Variants in GSE1 observed in about 807,000 individuals in gnomAD.
GSE1 encodes the protein Gse1 coiled-coil protein, also known as genetic suppressor element 1.
Under a neutral mutation model 112.6 loss-of-function variants are expected in GSE1, and 32 were observed. That is an observed-to-expected ratio of 0.28 (90% CI 0.21 to 0.38). The LOEUF (loss-of-function observed/expected upper bound fraction) is 0.38. Among genes scored for constraint, GSE1 ranks in the 10% least tolerant of loss-of-function variants. The pLI is 1.00. For synonymous variants in GSE1, 1,115 were observed against 735.6 expected (o/e 1.52, Z -8.35); for missense variants, 2,348 against 1,699.2 (o/e 1.38, Z -6.71).
At chr16:85,594,815 A>C (rs1291274047) in intron 1 of GSE1, 1 of 152,328 alleles carries the variant, frequency 6.6e-6, no homozygotes, top group Non-Finnish European at 1.5e-5. Flanking sequence ...TGAGTGCGTG[A>C]CTGCTGGTCA....
intron 1 of GSE1, among the ~76,000 whole-genome samples, chr16:85,297,662 C>T (rs903491064): frequency 6.6e-6 from 1 of 152,088 alleles, no homozygotes; most frequent in Non-Finnish European, 1.5e-5. Context: ...ACCCAAAGTG[C>T]CTGGCTAATT....
intron 2 of GSE1, among the ~76,000 whole-genome samples, chr16:85,371,126 C>T (rs2047290607): frequency 6.6e-6 from 1 of 152,220 alleles, no homozygotes; most frequent in African/African-American, 2.4e-5. Context: ...GCTGCTCCGC[C>T]CCCCTCGTTC....
intron 1 of GSE1, among the ~76,000 whole-genome samples, chr16:85,617,607 C>A (rs956904397): frequency 7.1e-5 from 8 of 112,220 alleles, no homozygotes; most frequent in South Asian, 7.3e-4. Flanking sequence ...CCCCCCCCCC[C>A]CCCCGTTAAC....
At chr16:85,282,009 G>A (rs998084569) in intron 1 of GSE1, among the ~76,000 whole-genome samples, 2 of 151,834 alleles carry the variant, frequency 1.3e-5, no homozygotes, top group Non-Finnish European at 2.9e-5. Flanking sequence ...GGGTTATCCT[G>A]TGAGTTGCTA....
chr16:85,200,879 A>G (rs1369644367), intron 1 of GSE1, among the ~76,000 whole-genome samples: 1 of 152,210 alleles, frequency 6.6e-6, no homozygotes, highest in Non-Finnish European at 1.5e-5. Flanking sequence ...CCCGGTAAAC[A>G]TGAACTCCAC....
At chr16:85,424,862 A>G (rs995755546) in intron 2 of GSE1, among the ~76,000 whole-genome samples, 1 of 152,276 alleles carries the variant, frequency 6.6e-6, no homozygotes, top group African/African-American at 2.4e-5. Context: ...TACAGCGATC[A>G]GTGGAAAAAT....
upstream of GSE1, chr16:85,555,028 A>G: frequency 1.0e-6 from 1 of 984,878 alleles, no homozygotes; most frequent in Non-Finnish European, 1.2e-6. Context: ...GCGCGGGGGG[A>G]AGCTCGCAAG....
chr16:85,394,471 A>G (rs2047921460), intron 2 of GSE1, among the ~76,000 whole-genome samples: 1 of 152,086 alleles, frequency 6.6e-6, no homozygotes, highest in African/African-American at 2.4e-5. Context: ...TTTAAAGCGA[A>G]TGATTTGGGT....
chr16:85,462,982 C>T, intron 2 of GSE1: 1 of 388,114 alleles, frequency 2.6e-6, no homozygotes, highest in Non-Finnish European at 3.5e-6. Context: ...GGCCCGTCTT[C>T]TGCCGCCCCG....
chr16:85,339,625 G>A (rs1217600802), intron 1 of GSE1, among the ~76,000 whole-genome samples: 1 of 150,644 alleles, frequency 6.6e-6, no homozygotes, highest in East Asian at 2.0e-4. Context: ...GAGGGGGAGG[G>A]GGGCAGAGAG....
chr16:85,367,143 G>A (rs766187194), intron 2 of GSE1, among the ~76,000 whole-genome samples: 1 of 152,244 alleles, frequency 6.6e-6, no homozygotes, highest in Non-Finnish European at 1.5e-5. Flanking sequence ...CGGCTGGTCC[G>A]TTTGGCACCA....
rs2049763601 is a variant in GSE1 at position 85,633,905 on chromosome 16, C to G, written c.8-9C>G. 7.5e-6 allele frequency: 12 copies of G among 1,604,758 alleles called. No individual in the cohort carries two copies. Among genetic ancestry groups the G allele is most frequent in the African/African-American group, 1.3e-5 (1 of 74,586 alleles). On this transcript the variant is annotated splice_polypyrimidine_tract_variant and intron_variant, in intron 1 of 15. Transcript: ENST00000253458. ...TGGGTGACCTCTGGTTCTTCTTTTC[C>G]TGTTTCAGGCATGAGCCATGAGCCC...
At chr16:85,453,280 C>T (rs905251501) in intron 2 of GSE1, among the ~76,000 whole-genome samples, 6 of 152,146 alleles carry the variant, frequency 3.9e-5, no homozygotes, top group African/African-American at 7.2e-5. Flanking sequence ...CTGAGCAGCC[C>T]GCCCACCCTC....
intron 1 of GSE1, among the ~76,000 whole-genome samples, chr16:85,268,048 C>G (rs754616485): frequency 7.9e-5 from 12 of 152,186 alleles, no homozygotes; most frequent in Non-Finnish European, 1.3e-4. Flanking sequence ...CAGAGGCTGC[C>G]AGGCTTTGTC....
At chr16:85,430,901 G>A (rs1196102477) in intron 2 of GSE1, among the ~76,000 whole-genome samples, 1 of 152,200 alleles carries the variant, frequency 6.6e-6, no homozygotes, top group African/African-American at 2.4e-5. Flanking sequence ...GTGAGGCCTG[G>A]GAGCCTGCGT....
At chr16:85,641,858 C>T (rs2050477107) in intron 2 of GSE1, among the ~76,000 whole-genome samples, 1 of 152,256 alleles carries the variant, frequency 6.6e-6, no homozygotes, top group African/African-American at 2.4e-5. Flanking sequence ...CCTCCTGGGC[C>T]AAGGGGCTGG....
chr16:85,236,031 G>C (rs796995118), intron 1 of GSE1, among the ~76,000 whole-genome samples: 2 of 138,378 alleles, frequency 1.4e-5, no homozygotes, highest in African/African-American at 3.1e-5. Flanking sequence ...TGCGGCTGGG[G>C]CTGGGGCTGG....
intron 1 of GSE1, among the ~76,000 whole-genome samples, chr16:85,290,067 T>G (rs2326521): frequency 6.6e-6 from 1 of 151,982 alleles, no homozygotes; most frequent in Non-Finnish European, 1.5e-5. Flanking sequence ...AGTGAGACGA[T>G]GCCTCTTCCC....
At chr16:85,554,091 C>G (rs1255412800), upstream of GSE1, among the ~76,000 whole-genome samples, 1 of 151,380 alleles carries the variant, frequency 6.6e-6, no homozygotes, top group Non-Finnish European at 1.5e-5. Flanking sequence ...CGAGGGGCCC[C>G]TCAGGAGGTA....
Sources: gnomAD v4.1 joint callset for allele counts (sites outside exome capture counted in the v4.1 genomes callset) on GRCh38, gnomAD v4.1.1 for gene constraint, MANE v1.5 for transcripts, NCBI Gene and HGNC (gene_info 2026-07-23, HGNC 2026-07-21) for gene names.